Variants in DEUP1 observed in about 807,000 individuals in gnomAD.
DEUP1 encodes coiled-coil domain containing 67.
A neutral mutation model predicts 87.4 loss-of-function variants in DEUP1; 82 were observed. The observed-to-expected ratio is 0.94, with a 90% confidence interval of 0.78 to 1.13. DEUP1 has a LOEUF of 1.13. DEUP1 is among the 50% of genes most tolerant of loss of function. The pLI is 0.00. For synonymous variants in DEUP1, 214 were observed against 222.7 expected (o/e 0.96, Z 0.35); for missense variants, 663 against 681.5 (o/e 0.97, Z 0.30).
chr11:93,373,328 T>G (rs568758459), intron 7 of DEUP1, among the ~76,000 whole-genome samples: 54 of 152,086 alleles, frequency 3.6e-4, no homozygotes, highest in African/African-American at 1.3e-3. Flanking sequence ...TGTACCCAAT[T>G]TGTAGTATTT....
chr11:93,384,246 A>C (rs1038413625), intron 7 of DEUP1, among the ~76,000 whole-genome samples: 3 of 151,792 alleles, frequency 2.0e-5, no homozygotes, highest in African/African-American at 7.3e-5. Flanking sequence ...CTCAAAAATC[A>C]CTCCTATACC....
intron 11 of DEUP1, among the ~76,000 whole-genome samples, chr11:93,407,461 C>T (rs1947312839): frequency 6.6e-6 from 1 of 152,000 alleles, no homozygotes; most frequent in South Asian, 2.1e-4. Flanking sequence ...AATTAAACAA[C>T]ATATGACTGT....
At chr11:93,368,326 C>T (rs566186723) in intron 5 of DEUP1, among the ~76,000 whole-genome samples, 4 of 152,240 alleles carry the variant, frequency 2.6e-5, no homozygotes, top group Admixed American at 6.5e-5. Context: ...GTTCTGGAGG[C>T]TGGTAGTCCA....
intron 8 of DEUP1, among the ~76,000 whole-genome samples, chr11:93,386,926 C>T (rs965721339): frequency 1.3e-5 from 2 of 152,172 alleles, no homozygotes; most frequent in Admixed American, 1.3e-4. Context: ...ATTGTAGGTA[C>T]TTTTTATGGT....
intron 4 of DEUP1, among the ~76,000 whole-genome samples, chr11:93,363,011 C>T (rs1415374990): frequency 1.3e-5 from 2 of 151,704 alleles, no homozygotes; most frequent in Admixed American, 1.3e-4. Flanking sequence ...CAAAATGTCT[C>T]AATATATGAA....
intron 13 of DEUP1, among the ~76,000 whole-genome samples, chr11:93,437,006 GACAAACAAGAT>G (rs1299707022): frequency 3.3e-5 from 5 of 152,162 alleles, no homozygotes; most frequent in East Asian, 3.9e-4. Context: ...TCTGTGATAA[GACAAACAAGAT>G]ACATGCCAGC....
intron 13 of DEUP1, among the ~76,000 whole-genome samples, chr11:93,436,008 A>C (rs1948239403): frequency 6.6e-6 from 1 of 152,024 alleles, no homozygotes; most frequent in Non-Finnish European, 1.5e-5. Context: ...AAAAAAAAAA[A>C]AAAAATTTTT....
intron 13 of DEUP1, among the ~76,000 whole-genome samples, chr11:93,420,136 C>T (rs1947824449): frequency 6.6e-6 from 1 of 152,320 alleles, no homozygotes; most frequent in East Asian, 1.9e-4. Context: ...GACCAATATC[C>T]TTGATGAACA....
chr11:93,350,907 G>A (rs1160462631), intron 2 of DEUP1, among the ~76,000 whole-genome samples: 2 of 151,586 alleles, frequency 1.3e-5, no homozygotes, highest in East Asian at 1.9e-4. Flanking sequence ...AGTGAGCCAA[G>A]ATTGTGCCAC....
At chr11:93,349,159 GTC>G (rs1267642493) in intron 2 of DEUP1, among the ~76,000 whole-genome samples, 1 of 152,118 alleles carries the variant, frequency 6.6e-6, no homozygotes, top group East Asian at 1.9e-4. Flanking sequence ...TTGCTCTTTT[GTC>G]TCTGTTTTCC....
chr11:93,352,589 G>A (rs893471681), intron 2 of DEUP1: 14 of 591,016 alleles, frequency 2.4e-5, no homozygotes, highest in Non-Finnish European at 3.3e-5. Flanking sequence ...GCCTTAGTTT[G>A]TTTTCATGCT....
intron 2 of DEUP1, among the ~76,000 whole-genome samples, chr11:93,347,025 GC>G (rs1318543049): frequency 6.6e-6 from 1 of 152,146 alleles, no homozygotes; most frequent in Non-Finnish European, 1.5e-5. Context: ...CTATTTGGAT[GC>G]CCTTTATTTC....
intron 13 of DEUP1, among the ~76,000 whole-genome samples, chr11:93,419,922 A>G (rs1457389929): frequency 2.0e-5 from 3 of 152,054 alleles, no homozygotes; most frequent in African/African-American, 7.2e-5. Context: ...GCAATAATCA[A>G]TAGCTTACCA....
At chr11:93,349,614 C>G (rs1282579226) in intron 2 of DEUP1, among the ~76,000 whole-genome samples, 1 of 151,274 alleles carries the variant, frequency 6.6e-6, no homozygotes, top group Non-Finnish European at 1.5e-5. Context: ...CAAAGAAGAG[C>G]TAGAATTAGA....
chr11:93,370,658 C>T (rs1950783400), intron 6 of DEUP1, among the ~76,000 whole-genome samples: 1 of 152,166 alleles, frequency 6.6e-6, no homozygotes, highest in Admixed American at 6.5e-5. Flanking sequence ...AACTCTGTTA[C>T]ATGCATTGAC....
intron 13 of DEUP1, among the ~76,000 whole-genome samples, chr11:93,434,003 C>A (rs1023613819): frequency 1.3e-5 from 2 of 152,146 alleles, no homozygotes; most frequent in African/African-American, 4.8e-5. Flanking sequence ...CGGTGGAGGG[C>A]AGTTCCCCAA....
chr11:93,370,246 C>T, intron 6 of DEUP1, 60 bp downstream of exon 6: 1 of 889,838 alleles, frequency 1.1e-6, no homozygotes, highest in Admixed American at 2.5e-5. Flanking sequence ...GGTATCTTTA[C>T]CATTCACCAG....
intron 11 of DEUP1, among the ~76,000 whole-genome samples, chr11:93,403,573 T>G (rs1214037136): frequency 6.6e-6 from 1 of 151,880 alleles, no homozygotes; most frequent in Non-Finnish European, 1.5e-5. Flanking sequence ...TGCTCTCTAT[T>G]TTTTGTCTTA....
intron 13 of DEUP1, among the ~76,000 whole-genome samples, chr11:93,415,468 G>C (rs1340563785): frequency 6.6e-6 from 1 of 151,978 alleles, no homozygotes; most frequent in Non-Finnish European, 1.5e-5. Context: ...CTTTTGGACT[G>C]GTTTAAAACA....
Sources: gnomAD v4.1 joint callset for allele counts (sites outside exome capture counted in the v4.1 genomes callset) on GRCh38, gnomAD v4.1.1 for gene constraint, MANE v1.5 for transcripts, NCBI Gene and HGNC (gene_info 2026-07-23, HGNC 2026-07-21) for gene names.